MATR3: variants seen among roughly 807,000 people sequenced by gnomAD.
The protein encoded by MATR3 is matrin 3, also known as matrin-3.
A neutral mutation model predicts 85.5 loss-of-function variants in MATR3; 4 were observed. The ratio of observed to expected loss-of-function variants is 0.05; its 90% CI spans 0.02 to 0.11. The LOEUF is 0.11. MATR3 is among the 10% of genes least tolerant of loss of function. The pLI is 1.00. For synonymous variants in MATR3, 336 were observed against 343.1 expected (o/e 0.98, Z 0.23); for missense variants, 685 against 1,016.1 (o/e 0.67, Z 4.43).
At position 139,318,946 on chromosome 5, in the gene MATR3, C is replaced by A; in HGVS notation, c.1347C>A (p.Ala449=). 1 of 1,613,954 alleles carries A rather than the reference C, an allele frequency of 6.2e-7. No homozygotes were observed. The highest frequency in any genetic ancestry group is 8.5e-7 in the Non-Finnish European group (1 of 1,179,908). Reference sequence around the variant, plus strand: ...TGGCAACCACAGAGGATGCTCAGGCCGCAGTGGATTATTACACAACCACAC... The same window carrying A: ...TGGCAACCACAGAGGATGCTCAGGCAGCAGTGGATTATTACACAACCACAC... ...IEMATTEDAQ[A]AVDYYTTTPA... The change falls in exon 8 of 15, where the codon GCC becomes GCA. Residue 449 remains alanine (A), a synonymous_variant. Transcript: ENST00000394805.
chr5:139,307,015 TC>T lies in MATR3; in HGVS notation c.-177-221del, dbSNP rs1462653382. Among the ~76,000 whole-genome samples, 1 of 152,186 alleles carries T rather than the reference TC, an allele frequency of 6.6e-6. No homozygotes were observed. Among genetic ancestry groups the T allele is most frequent in the African/African-American group, 2.4e-5 (1 of 41,458 alleles). On this transcript the variant is annotated intron_variant, in intron 1 of 14. Coordinates refer to ENST00000394805, the MANE Select transcript of MATR3 (RefSeq NM_018834.6). The surrounding 1 kb of genome is among the most constrained non-coding windows in gnomAD (Gnocchi z 4.4). ...CATGTTTTTAAACTCAGTATGAAAG[TC>T]CCTTTAATAGTTAAGCTTTAGCATG...
In MATR3 at chr5:139,325,523, T is replaced by G. The variant is rs1581261752; in HGVS notation, c.2232T>G (p.Gly744=). The G allele has an allele frequency of 3.7e-6, 6 of 1,614,150 alleles. No individual in the cohort carries two copies. The highest frequency in any genetic ancestry group is 5.1e-6 in the Non-Finnish European group (6 of 1,180,024). The change falls in exon 13 of 15, where the codon GGT becomes GGG. Residue 744 remains glycine (G), a synonymous_variant. Coordinates refer to ENST00000394805, the MANE Select transcript of MATR3 (RefSeq NM_018834.6). ...AAAATGAGGAAAACACAGAACCAGG[T>G]GCTGAATCTTCTGAGAACGCTGATG... The part of the protein sequence containing the change: ...GIKNEENTEP[G]AESSENADDP...
At chr5:139,314,911 A>T (rs886429101) in intron 3 of MATR3, 175 bp downstream of exon 3, 4 of 599,606 alleles carry the variant, frequency 6.7e-6, no homozygotes, top group Non-Finnish European at 1.2e-5. Flanking sequence ...TTTCATATTG[A>T]ATATTAGATG....
intron 12 of MATR3, 141 bp from the exon 13 acceptor site, chr5:139,325,299 C>T (rs748216112): frequency 1.5e-5 from 23 of 1,555,912 alleles, no homozygotes; most frequent in East Asian, 9.7e-5. Flanking sequence ...TTAACAGCGT[C>T]GTTTTCCAGG....
At chr5:139,278,963 T>C (rs1753408339) in intron 2 of MATR3, 1 of 516,632 alleles carries the variant, frequency 1.9e-6, no homozygotes, top group African/African-American at 1.9e-5. Context: ...TTGATCCTAG[T>C]CTGGGTGCAA....
At chr5:139,300,372 A>G (rs1469343189) in intron 1 of MATR3, among the ~76,000 whole-genome samples, 2 of 152,162 alleles carry the variant, frequency 1.3e-5, no homozygotes, top group African/African-American at 4.8e-5. Flanking sequence ...CTCAAAAACA[A>G]AAGTTACTAC....
intron 1 of MATR3, among the ~76,000 whole-genome samples, chr5:139,297,700 C>T (rs1446670362): frequency 1.3e-5 from 2 of 152,088 alleles, no homozygotes; most frequent in African/African-American, 4.8e-5. Flanking sequence ...TATAATTTTC[C>T]AGTTGTACAT....
At chr5:139,318,087 C>T (rs1755344230) in intron 7 of MATR3, among the ~76,000 whole-genome samples, 1 of 152,106 alleles carries the variant, frequency 6.6e-6, no homozygotes, top group Non-Finnish European at 1.5e-5. Flanking sequence ...TCTGAGGTGG[C>T]CTTTGTAATA....
rs1257842865 is a variant in MATR3, at chr5:139,330,242, C to T, written c.*847C>T. 3.1e-5 allele frequency: 14 copies of T among 453,898 alleles called. No homozygotes were observed. Among genetic ancestry groups the T allele is most frequent in the Non-Finnish European group, 8.8e-6 (2 of 226,456 alleles). 28.1% of individuals were successfully genotyped at this position (453,898 alleles called of 1,614,324 possible). Reference sequence around the variant, plus strand: ...ATTTTTAAAACAGTTTGGCCATAATCCTAGATGCACGCTTCTAATTCATGT... The same window carrying T: ...ATTTTTAAAACAGTTTGGCCATAATTCTAGATGCACGCTTCTAATTCATGT... On this transcript the variant is annotated 3_prime_UTR_variant, in exon 15 of 15. Coordinates refer to ENST00000394805, the MANE Select transcript of MATR3 (RefSeq NM_018834.6).
intron 3 of MATR3, among the ~76,000 whole-genome samples, chr5:139,281,068 G>A (rs905940054): frequency 6.6e-6 from 1 of 152,184 alleles, no homozygotes; most frequent in African/African-American, 2.4e-5. Context: ...CTGGTGTGCA[G>A]TGGCACAAGC....
chr5:139,329,928 G>A lies in MATR3; in HGVS notation c.*533G>A. ...AATTGAAATGCAGGTGCAGTTTTCT[G>A]TTAATGTCATGCTGTTGTTTAGGTA... On this transcript the variant is annotated 3_prime_UTR_variant, in exon 15 of 15. Transcript: ENST00000394805. 2.2e-6 allele frequency: 1 copy of A among 454,482 alleles called. No homozygotes were observed. The highest frequency in any genetic ancestry group is 1.6e-5 in the South Asian group (1 of 64,478). The allele number at this position is 454,482 out of a possible 1,614,324, so 28.2% of individuals were successfully genotyped here. A position where few individuals can be genotyped will look rare whatever the true frequency, so the allele number is the denominator to read the frequency against.
chr5:139,315,902 G>A (rs998280193), intron 4 of MATR3, 164 bp downstream of exon 4: 2 of 747,128 alleles, frequency 2.7e-6, no homozygotes, highest in African/African-American at 3.5e-5. Flanking sequence ...TATATATTAT[G>A]TAGTAATTTG....
chr5:139,328,291 G>T (rs764097879), intron 14 of MATR3, among the ~76,000 whole-genome samples: 22 of 150,906 alleles, frequency 1.5e-4, no homozygotes, highest in Non-Finnish European at 2.7e-4. Context: ...GTGATTTTTT[G>T]TTGTTGTTGT....
chr5:139,314,814 TTTAC>T, intron 3 of MATR3, 78 bp downstream of exon 3: 1 of 1,287,606 alleles, frequency 7.8e-7, no homozygotes, highest in Non-Finnish European at 1.1e-6. Context: ...GAGTTCATCA[TTTAC>T]TTGTAATATC....
At chr5:139,319,607 G>A (rs1755434972) in intron 9 of MATR3, 106 bp downstream of exon 9, 4 of 1,042,614 alleles carry the variant, frequency 3.8e-6, no homozygotes, top group Non-Finnish European at 4.2e-6. Context: ...CAGCAGTTTG[G>A]GAGGCCAAGG....
At chr5:139,301,343 A>G (rs1410829095) in intron 1 of MATR3, among the ~76,000 whole-genome samples, 1 of 149,730 alleles carries the variant, frequency 6.7e-6, no homozygotes, top group African/African-American at 2.5e-5. Flanking sequence ...TATTTGAGAC[A>G]GAGTCTCACT....
intron 1 of MATR3, chr5:139,294,578 A>G (rs1008853149): frequency 1.3e-5 from 2 of 152,174 alleles, no homozygotes; most frequent in African/African-American, 4.8e-5. Context: ...TGTTTTTCGT[A>G]CTGCGTCGTG....
chr5:139,286,795 G>T (rs1190813961), intron 3 of MATR3, among the ~76,000 whole-genome samples: 1 of 150,074 alleles, frequency 6.7e-6, no homozygotes, highest in Non-Finnish European at 1.5e-5. Flanking sequence ...AGTGAGCCAA[G>T]ATCATGCCAC....
intron 12 of MATR3, 71 bp from the exon 13 acceptor site, chr5:139,325,369 A>C (rs1166921438): frequency 1.2e-6 from 2 of 1,607,650 alleles, no homozygotes; most frequent in Non-Finnish European, 1.7e-6. Context: ...TCGGAACTTC[A>C]GAAACTTCGT....
Sources: gnomAD v4.1 joint callset for allele counts (sites outside exome capture counted in the v4.1 genomes callset) on GRCh38, gnomAD v4.1.1 for gene constraint, Gnocchi (gnomAD v3.1) non-coding constraint, MANE v1.5 for transcripts, NCBI Gene and HGNC (gene_info 2026-07-23, HGNC 2026-07-21) for gene names.